Variants in CHD6 observed in about 807,000 individuals in gnomAD.
CHD6 encodes the protein chromodomain helicase DNA binding protein 6, also known as ATP-dependent chromatin remodeler CHD6.
In CHD6, 50 loss-of-function variants were observed where a neutral mutation model predicts 276.9. The observed-to-expected ratio is 0.18, with a 90% CI of 0.14 to 0.23. CHD6 has a LOEUF of 0.23. Among genes scored for constraint, CHD6 ranks in the 10% least tolerant of loss-of-function variants. CHD6 has a pLI of 1.00. For missense variants in CHD6, 2,564 were observed against 3,365.8 expected, an observed-to-expected ratio of 0.76 and a Z score of 5.89; for synonymous variants, 1,173 against 1,229.3, an observed-to-expected ratio of 0.95 and a Z score of 0.96.
At chr20:41,602,372 T>C (rs1289843452) in intron 1 of CHD6, among the ~76,000 whole-genome samples, 1 of 152,212 alleles carries the variant, frequency 6.6e-6, no homozygotes, top group African/African-American at 2.4e-5. Flanking sequence ...TTCACCTTCC[T>C]ATGAGGCAAG....
chr20:41,459,251 G>T (rs910527702), intron 17 of CHD6: 1 of 152,240 alleles, frequency 6.6e-6, no homozygotes, highest in Middle Eastern at 3.4e-3. Flanking sequence ...GTACTAAAGC[G>T]GCCCAAACAC....
intron 16 of CHD6, among the ~76,000 whole-genome samples, chr20:41,477,640 C>T (rs184329585): frequency 9.7e-4 from 148 of 152,210 alleles, no homozygotes; most frequent in Non-Finnish European, 1.6e-3. Flanking sequence ...TAATCCCTTC[C>T]CCAATTAAAT....
At chr20:41,551,424 C>T in intron 1 of CHD6, 64 bp from the exon 2 acceptor site, 2 of 707,742 alleles carry the variant, frequency 2.8e-6, no homozygotes, top group South Asian at 3.2e-5. Context: ...TTTTCAACAT[C>T]TCCAGATTAC....
chr20:41,420,536 A>G lies in CHD6; in HGVS notation c.6099T>C (p.Tyr2033=). 1 of 1,613,142 alleles carries G rather than the reference A, an allele frequency of 6.2e-7. No homozygotes were observed. The part of the protein sequence containing the change: ...EDMDFENKDD[Y]DRDGNCHSQD... ...GACTATGGCAGTTTCCGTCTCTATC[A>G]TAATCATCTTTATTCTCAAAATCCA... The change falls in exon 31 of 37, where the codon TAT becomes TAC. Residue 2033 remains tyrosine, a synonymous_variant. Transcript: ENST00000373233.
chr20:41,585,004 GT>G (rs1004703501), intron 1 of CHD6, among the ~76,000 whole-genome samples: 1 of 152,026 alleles, frequency 6.6e-6, no homozygotes, highest in African/African-American at 2.4e-5. Flanking sequence ...ACCAAAGCGA[GT>G]TTTTTATAAA....
Position 41,417,321 on chromosome 20 carries a change from C to G in CHD6, c.6156G>C (p.Glu2052Asp). The change falls in exon 32 of 37, where the codon GAG becomes GAC. Residue 2052 changes from glutamate (E) to aspartate (D), a missense_variant. Physicochemically the swap from Glu to Asp is conservative, Grantham distance 45 (BLOSUM62 2). Transcript: ENST00000373233. Reference sequence around the variant, plus strand: ...TGATGCCCGATGTTGAGCTCTTGCTCTCCTCTTCAGAGTACTTCCCTGGAT... The same window carrying G: ...TGATGCCCGATGTTGAGCTCTTGCTGTCCTCTTCAGAGTACTTCCCTGGAT... Reference protein sequence around the residue: ...QDYPGKYSEEESKSSTSGITG... With the variant: ...QDYPGKYSEEDSKSSTSGITG... 1.9e-6 allele frequency: 3 copies of G among 1,614,106 alleles called. No individual in the cohort carries two copies. Among genetic ancestry groups the G allele is most frequent in the Non-Finnish European group, 2.5e-6 (3 of 1,180,024 alleles).
rs2047184356 is a variant in CHD6 at position 41,421,328 on chromosome 20, T to C, written c.5307A>G (p.Val1769=). ...TFMGSLEAGG[V]AQANIKNGKH... is the part of the protein sequence containing the mutation. ...TTCCATTTTTGATGTTTGCTTGAGC[T>C]ACTCCTCCTGCTTCTAAGCTACCCA... The change falls in exon 31 of 37, where the codon GTA becomes GTG. Residue 1769 remains valine (V), a synonymous_variant. Coordinates refer to ENST00000373233, the MANE Select transcript of CHD6 (RefSeq NM_032221.5). The C allele has an allele frequency of 6.2e-7, 1 of 1,614,190 alleles. No individual in the cohort carries two copies. Among genetic ancestry groups the C allele is most frequent in the South Asian group, 1.1e-5 (1 of 91,068 alleles).
At chr20:41,431,045 G>A (rs2047522283) in intron 27 of CHD6, among the ~76,000 whole-genome samples, 1 of 151,970 alleles carries the variant, frequency 6.6e-6, no homozygotes, top group African/African-American at 2.4e-5. Context: ...ATGTTGACCA[G>A]GCTGGTCTCG....
chr20:41,432,630 AAG>A (rs1441457963), intron 27 of CHD6, among the ~76,000 whole-genome samples: 1 of 152,180 alleles, frequency 6.6e-6, no homozygotes, highest in African/African-American at 2.4e-5. Flanking sequence ...AAGGTGCTGA[AAG>A]AGAACGTTTA....
At chr20:41,495,056 C>T (rs1412575790) in intron 8 of CHD6, among the ~76,000 whole-genome samples, 4 of 151,212 alleles carry the variant, frequency 2.6e-5, no homozygotes, top group African/African-American at 7.3e-5. Context: ...AAAAAAAAAA[C>T]CCAGTTTGTT....
chr20:41,406,543 T>G (rs929025451), intron 36 of CHD6, among the ~76,000 whole-genome samples: 2 of 152,032 alleles, frequency 1.3e-5, no homozygotes, highest in Admixed American at 6.5e-5. Flanking sequence ...TTCCTGAGAG[T>G]GGAGCTCAGG....
chr20:41,487,453 G>C lies in CHD6; in HGVS notation c.2001+212C>G, dbSNP rs562508807. 3.9e-5 allele frequency among the ~76,000 whole-genome samples: 6 copies of C among 152,290 alleles called. No individual in the cohort carries two copies. The East Asian group carries it at 1.2e-3, about 29-fold the overall frequency. ...ATATTTTGGGCGCATAAGATATTTTGGGTATGGACCCATCTATCCTCTGGG... is the reference window on the plus strand; with the variant it reads ...ATATTTTGGGCGCATAAGATATTTTCGGTATGGACCCATCTATCCTCTGGG... On this transcript the variant is annotated intron_variant, in intron 14 of 36. Transcript: ENST00000373233.
rs373860626 is a variant in CHD6, at chr20:41,485,424, C to T, written c.2002-817G>A. ...GAAGATGAAAGTGCAAAAGAAATCA[C>T]GTTTCAAGTCAGAAACGGCTGTTCA... On this transcript the variant is annotated intron_variant, in intron 14 of 36. Transcript: ENST00000373233. 56 of 152,246 alleles carry T rather than the reference C, an allele frequency of 3.7e-4. 1 individual carries two copies. The highest frequency in any genetic ancestry group is 1.3e-3 in the African/African-American group (52 of 41,546). The allele number at this position is 152,246 out of a possible 1,614,324, so 9.4% of individuals were successfully genotyped here.
chr20:41,606,104 G>A (rs573211694), intron 1 of CHD6, among the ~76,000 whole-genome samples: 46 of 152,326 alleles, frequency 3.0e-4, no homozygotes, highest in South Asian at 6.2e-4. Context: ...TCGGCCGGGC[G>A]TAGTGGCTTA....
chr20:41,429,304 A>G (rs1223890199), intron 27 of CHD6, among the ~76,000 whole-genome samples: 2 of 152,354 alleles, frequency 1.3e-5, no homozygotes, highest in African/African-American at 4.8e-5. Flanking sequence ...ATACTTTCAG[A>G]CTAACTGCTT....
chr20:41,483,215 TTG>T (rs2043334808), intron 16 of CHD6, 92 bp downstream of exon 16: 1 of 1,130,872 alleles, frequency 8.8e-7, no homozygotes, highest in Non-Finnish European at 1.2e-6. Flanking sequence ...TTTGAATGTT[TTG>T]TGTTTAAACA....
chr20:41,508,686 G>A (rs753775306), intron 5 of CHD6, among the ~76,000 whole-genome samples: 30 of 152,070 alleles, frequency 2.0e-4, no homozygotes, highest in Admixed American at 2.6e-4. Flanking sequence ...TATGATGAAC[G>A]GCCCCAACAG....
intron 5 of CHD6, among the ~76,000 whole-genome samples, chr20:41,512,397 G>A (rs1172464322): frequency 1.3e-5 from 2 of 151,954 alleles, no homozygotes; most frequent in East Asian, 3.9e-4. Flanking sequence ...ATTGGGATGA[G>A]GGGCAGGAAT....
intron 1 of CHD6, among the ~76,000 whole-genome samples, chr20:41,606,441 G>C (rs2045829501): frequency 1.3e-5 from 2 of 152,204 alleles, no homozygotes; most frequent in Admixed American, 6.5e-5. Flanking sequence ...GTGAACCCAG[G>C]AGGTGGAGTT....
Sources: allele counts gnomAD v4.1 joint callset (sites outside exome capture counted in the v4.1 genomes callset), GRCh38; gene constraint gnomAD v4.1.1; transcripts MANE v1.5; gene names NCBI Gene and HGNC (gene_info 2026-07-23, HGNC 2026-07-21).